MGST1: variants seen among roughly 807,000 people sequenced by gnomAD.
The protein encoded by MGST1 is microsomal glutathione S-transferase 1.
Under a neutral mutation model 8.9 loss-of-function variants are expected in MGST1, and 5 were observed. The ratio of observed to expected loss-of-function variants is 0.56; its 90% confidence interval spans 0.29 to 1.19. The LOEUF is 1.19. MGST1 is among the 50% of genes most tolerant of loss of function. The pLI, the probability that MGST1 is intolerant of heterozygous loss-of-function variation, is 0.08. For synonymous variants in MGST1, 54 were observed against 67.8 expected (o/e 0.80, Z 1.00); for missense variants, 182 against 187.4 (o/e 0.97, Z 0.17).
chr12:16,419,987 C>T (rs891651142), intron 1 of MGST1, among the ~76,000 whole-genome samples: 4 of 152,048 alleles, frequency 2.6e-5, no homozygotes, highest in East Asian at 3.9e-4. Context: ...TGGTGAAAAA[C>T]CAAAGTATAT....
In MGST1 at chr12:16,559,681, TG is replaced by T. The variant is rs1261233116; in HGVS notation, n.483-29845del. Reference sequence around the variant, plus strand: ...AAACAGCTAGATTGGGTGGGGGTGGTGGCTCATGCCTATAATCCCTGCACTT... The same window carrying T: ...AAACAGCTAGATTGGGTGGGGGTGGTGCTCATGCCTATAATCCCTGCACTT... On this transcript the variant is annotated intron_variant and non_coding_transcript_variant, in intron 4 of 4. Transcript: ENST00000538857. This position sits in a 1 kb window ranked among gnomAD's most constrained non-coding sequence, Gnocchi z 4.1. Among the ~76,000 whole-genome samples the T allele has an allele frequency of 1.3e-5, 2 of 151,930 alleles. No individual in the cohort carries two copies. Among genetic ancestry groups the T allele is most frequent in the African/African-American group, 4.8e-5 (2 of 41,330 alleles).
At position 16,413,025 on chromosome 12, in the gene MGST1, A is replaced by G. The variant is rs1261628134; in HGVS notation, n.779-24363A>G. On this transcript the variant is annotated intron_variant and non_coding_transcript_variant, in intron 1 of 1. Coordinates refer to the MGST1 transcript ENST00000359720. The surrounding 1 kb of genome is among the most constrained non-coding windows in gnomAD (Gnocchi z 4.0). ...CATAATAATAAGCCAGAAAGAGAGTAGGGAACTCCTCAGTCCACCCCACCT... is the reference window on the plus strand; with the variant it reads ...CATAATAATAAGCCAGAAAGAGAGTGGGGAACTCCTCAGTCCACCCCACCT... 1.3e-5 allele frequency among the ~76,000 whole-genome samples: 2 copies of G among 152,206 alleles called. No individual in the cohort carries two copies. Among genetic ancestry groups the G allele is most frequent in the Non-Finnish European group, 2.9e-5 (2 of 68,040 alleles).
At chr12:16,550,031 A>C (rs572153761) in intron 4 of MGST1, 1 of 152,192 alleles carries the variant, frequency 6.6e-6, no homozygotes, top group African/African-American at 2.4e-5. Context: ...TCAGGTAAAT[A>C]CAGAAAAATA....
Position 16,358,779 on chromosome 12 carries a change from C to CTTTTTTTTTTTTTTTTTTTT in MGST1, c.221+1090_221+1109dup, listed in dbSNP as rs35081887. On this transcript the variant is annotated intron_variant, in intron 3 of 3. Coordinates refer to ENST00000396210, the MANE Select transcript of MGST1 (RefSeq NM_020300.5). Reference sequence around the variant, plus strand: ...CACCGGACCTGGCCAAAATTCATTCCTTTTTTTTTTTTTTTTTTTTTTTTT... The same window carrying CTTTTTTTTTTTTTTTTTTTT: ...CACCGGACCTGGCCAAAATTCATTCCTTTTTTTTTTTTTTTTTTTTTTTTTTTTTTTTTTTTTTTTTTTTT... Among the ~76,000 whole-genome samples, 3 of 57,574 alleles carry CTTTTTTTTTTTTTTTTTTTT rather than the reference C, an allele frequency of 5.2e-5. 1 individual carries two copies. Among genetic ancestry groups the CTTTTTTTTTTTTTTTTTTTT allele is most frequent in the Non-Finnish European group, 3.1e-5 (1 of 32,348 alleles). 37.8% of individuals were successfully genotyped at this position (57,574 alleles called of 152,430 possible). A position where few individuals can be genotyped will look rare whatever the true frequency, so the allele number is the denominator to read the frequency against.
At chr12:16,509,145 C>A (rs1941559808) in intron 4 of MGST1, among the ~76,000 whole-genome samples, 1 of 151,736 alleles carries the variant, frequency 6.6e-6, no homozygotes, top group Non-Finnish European at 1.5e-5. Flanking sequence ...GTTGATTAAC[C>A]CTTTAGCATA....
intron 1 of MGST1, among the ~76,000 whole-genome samples, chr12:16,395,084 C>T (rs960382502): frequency 5.9e-5 from 9 of 151,558 alleles, no homozygotes; most frequent in Admixed American, 3.3e-4. Flanking sequence ...TGGGTTGGTG[C>T]TTTCTGAATA....
At position 16,576,432 on chromosome 12, in the gene MGST1, T is replaced by C. The variant is rs1942997775; in HGVS notation, n.483-13096T>C. On this transcript the variant is annotated intron_variant and non_coding_transcript_variant, in intron 4 of 4. Transcript: ENST00000538857. This position sits in a 1 kb window ranked among gnomAD's most constrained non-coding sequence, Gnocchi z 4.1. ...ACTAAATCTATTCTTCCTGGAAGAC[T>C]ACTGCTGCTTTTTTTTCATATTCAG... Among the ~76,000 whole-genome samples the C allele has an allele frequency of 6.6e-6, 1 of 152,214 alleles. No individual in the cohort carries two copies. The highest frequency in any genetic ancestry group is 2.4e-5 in the African/African-American group (1 of 41,462).
chr12:16,544,823 T>G lies in MGST1; in HGVS notation n.483-44705T>G, dbSNP rs909247164. ...AATTATGAAAGTTCCATTGATGTGA[T>G]AGGGAGGATGACTATTAAATTATCG... is the stretch of plus-strand genomic sequence containing the variant. On this transcript the variant is annotated intron_variant and non_coding_transcript_variant, in intron 4 of 4. Transcript: ENST00000538857. This position sits in a 1 kb window ranked among gnomAD's most constrained non-coding sequence, Gnocchi z 4.8. 6.6e-6 allele frequency among the ~76,000 whole-genome samples: 1 copy of G among 152,052 alleles called. No individual in the cohort carries two copies. Among genetic ancestry groups the G allele is most frequent in the Non-Finnish European group, 1.5e-5 (1 of 67,944 alleles).
chr12:16,462,397 TACAGAGG>T (rs902603364), intron 4 of MGST1, among the ~76,000 whole-genome samples: 12 of 152,178 alleles, frequency 7.9e-5, no homozygotes, highest in African/African-American at 2.9e-4. Flanking sequence ...TAATATAATC[TACAGAGG>T]ACAGCATTTG....
At chr12:16,523,440 C>CCTCA (rs763875763) in intron 4 of MGST1, among the ~76,000 whole-genome samples, 4 of 151,964 alleles carry the variant, frequency 2.6e-5, no homozygotes. Flanking sequence ...TCACCCAAGG[C>CCTCA]CTCACTCTCC....
downstream of MGST1, among the ~76,000 whole-genome samples, chr12:16,442,482 C>CT (rs1238797794): frequency 1.3e-5 from 2 of 151,784 alleles, no homozygotes; most frequent in Non-Finnish European, 2.9e-5. The surrounding 1 kb of genome is among the most constrained non-coding windows in gnomAD (Gnocchi z 4.5). Context: ...TTTTCAGTTA[C>CT]TTTTTTGTGA....
intron 4 of MGST1, among the ~76,000 whole-genome samples, chr12:16,477,070 C>T (rs902986346): frequency 6.6e-6 from 1 of 152,092 alleles, no homozygotes; most frequent in Admixed American, 6.6e-5. Context: ...TGAATAAGAA[C>T]CTAAAGCAAA....
In MGST1 at chr12:16,413,904, A is replaced by G. The variant is rs1039150188; in HGVS notation, n.779-23484A>G. Among the ~76,000 whole-genome samples the G allele has an allele frequency of 5.9e-5, 9 of 152,294 alleles. 1 individual carries two copies. Among genetic ancestry groups the G allele is most frequent in the Admixed American group, 5.9e-4 (9 of 15,282 alleles). On this transcript the variant is annotated intron_variant and non_coding_transcript_variant, in intron 1 of 1. Coordinates refer to the MGST1 transcript ENST00000359720. The surrounding 1 kb of genome is among the most constrained non-coding windows in gnomAD (Gnocchi z 4.0). ...ATACATATATTAATATGAATATGTG[A>G]ATGTATATTATTTTCTTCTTACAAA...
rs548919379 is a variant in MGST1 at position 16,402,811 on chromosome 12, G to A, written n.778+19207G>A. ...TTGTATTGATCTCCTTCATTATATA[G>A]GTGTTCTTCATATTATTAATTTCCA... On this transcript the variant is annotated intron_variant and non_coding_transcript_variant, in intron 1 of 1. Coordinates refer to the MGST1 transcript ENST00000359720. 2.6e-5 allele frequency among the ~76,000 whole-genome samples: 4 copies of A among 151,352 alleles called. No individual in the cohort carries two copies. In the South Asian group the frequency reaches 8.3e-4, roughly 32 times the overall value.
intron 4 of MGST1, among the ~76,000 whole-genome samples, chr12:16,457,875 T>C (rs1013463566): frequency 2.0e-5 from 3 of 151,970 alleles, no homozygotes; most frequent in African/African-American, 7.2e-5. Flanking sequence ...AAACATATTC[T>C]TTGAAACAAT....
At chr12:16,370,645 G>C (rs1343052347) in intron 3 of MGST1, among the ~76,000 whole-genome samples, 1 of 152,086 alleles carries the variant, frequency 6.6e-6, no homozygotes. Flanking sequence ...TACAGTTAGA[G>C]TCTGGATCCT....
intron 1 of MGST1, among the ~76,000 whole-genome samples, chr12:16,431,273 C>T (rs1327866392): frequency 2.6e-5 from 4 of 152,306 alleles, no homozygotes; most frequent in African/African-American, 9.6e-5. Context: ...GGCTGTTTGG[C>T]TTTCTTATCA....
intron 4 of MGST1, among the ~76,000 whole-genome samples, chr12:16,489,976 C>A (rs1046680183): frequency 6.6e-6 from 1 of 152,080 alleles, no homozygotes; most frequent in Non-Finnish European, 1.5e-5. Context: ...TACACAAAAA[C>A]TTTAGGCTGG....
chr12:16,384,360 G>A (rs1458678101), intron 1 of MGST1, among the ~76,000 whole-genome samples: 1 of 152,116 alleles, frequency 6.6e-6, no homozygotes, highest in East Asian at 1.9e-4. Flanking sequence ...GATTAGATTG[G>A]GCTCTAAATC....
Sources: allele counts gnomAD v4.1 joint callset (sites outside exome capture counted in the v4.1 genomes callset), GRCh38; gene constraint gnomAD v4.1.1; non-coding constraint Gnocchi (gnomAD v3.1); transcripts MANE v1.5; gene names NCBI Gene and HGNC (gene_info 2026-07-23, HGNC 2026-07-21).